The following HSF5 variants were observed in gnomAD, a reference collection of about 807,000 sequenced individuals.
The protein encoded by HSF5 is heat shock transcription factor 5.
A neutral mutation model predicts 50.8 loss-of-function variants in HSF5; 5 were observed. The observed-to-expected ratio is 0.10, with a 90% CI of 0.05 to 0.21. The LOEUF is 0.21. Among genes scored for constraint, HSF5 ranks in the 10% least tolerant of loss-of-function variants. The probability of loss-of-function intolerance (pLI) is 1.00; values close to 1 mark genes in which losing one functional copy is unlikely to be tolerated. For synonymous variants in HSF5, 307 were observed against 307.4 expected (o/e 1.00, Z 0.02); for missense variants, 564 against 762.6 (o/e 0.74, Z 3.07).
intron 5 of HSF5, among the ~76,000 whole-genome samples, chr17:58,422,750 C>T (rs144627837): frequency 7.5e-5 from 11 of 146,374 alleles, no homozygotes; most frequent in Admixed American, 2.1e-4. Context: ...GGCTGGAGTA[C>T]GGCGGCACAA....
intron 1 of HSF5, among the ~76,000 whole-genome samples, chr17:58,485,907 C>T (rs951475038): frequency 7.6e-6 from 1 of 132,360 alleles, no homozygotes; most frequent in Non-Finnish European, 1.6e-5. Flanking sequence ...TCTCTACTAA[C>T]AATACAAAAA....
chr17:58,449,946 C>T (rs1974611467), intron 5 of HSF5, among the ~76,000 whole-genome samples: 1 of 147,002 alleles, frequency 6.8e-6, no homozygotes, highest in Admixed American at 6.8e-5. Context: ...TGGCGTGAAC[C>T]CGGGAGACGG....
intron 5 of HSF5, among the ~76,000 whole-genome samples, chr17:58,445,530 C>A (rs768436898): frequency 6.6e-6 from 1 of 152,174 alleles, no homozygotes; most frequent in African/African-American, 2.4e-5. Flanking sequence ...AACAAAATGT[C>A]ATATGCACGT....
rs748095521 is a variant in HSF5 at position 58,458,800 on chromosome 17, T to G, written c.1688A>C (p.His563Pro). 3 of 1,613,766 alleles carry G rather than the reference T, an allele frequency of 1.9e-6. No homozygotes were observed. Among genetic ancestry groups the G allele is most frequent in the Non-Finnish European group, 2.5e-6 (3 of 1,179,848 alleles). ...CTTTCCTTGTTGTGAGTTGCTTCTG[T>G]GCTCTCTGTATCTGGCTGGAGTGGC... Reference protein sequence around the residue: ...GLATPARYREHRSNSQQGKSP... With the variant: ...GLATPARYREPRSNSQQGKSP... Residue 563 changes from histidine (H) to proline (P), a missense_variant, in exon 5 of 6, where the codon CAC (histidine) becomes CCC (proline). Coordinates refer to ENST00000323777, the MANE Select transcript of HSF5 (RefSeq NM_001080439.3).
rs566794541 is a variant in HSF5, at chr17:58,458,859, C to G, written c.1629G>C (p.Gly543=). The change falls in exon 5 of 6, where the codon GGG becomes GGC. Residue 543 remains glycine, a synonymous_variant. Coordinates refer to ENST00000323777, the MANE Select transcript of HSF5 (RefSeq NM_001080439.3). ...TGTCTTCACTAGGCTTGCTAGCAGG[C>G]CCCATTTCTGAAATGAGGAATCCCA... ...EQMGFLISEM[G]PASKPSEDTG... 26 of 1,614,098 alleles carry G rather than the reference C, an allele frequency of 1.6e-5. No homozygotes were observed. In the African/African-American group the frequency reaches 3.2e-4, roughly 20 times the overall value.
chr17:58,431,029 A>T lies in HSF5; in HGVS notation c.1721-8599T>A, dbSNP rs139879282. ...TAGGAGGTAACTGAATCATGGGGGC[A>T]GGTTTTCCCGTGCTGTTCTGATGAT... On this transcript the variant is annotated intron_variant, in intron 5 of 5. Transcript: ENST00000323777. Among the ~76,000 whole-genome samples, 796 of 152,300 alleles carry T rather than the reference A, an allele frequency of 5.2e-3. 5 individuals are homozygous for T. Among genetic ancestry groups the T allele is most frequent in the South Asian group, 0.013 (62 of 4,820 alleles).
At chr17:58,455,581 A>ATGTAT (rs1400302827) in intron 5 of HSF5, among the ~76,000 whole-genome samples, 10 of 152,200 alleles carry the variant, frequency 6.6e-5, no homozygotes, top group African/African-American at 2.2e-4. Context: ...ACATTTGACA[A>ATGTAT]AAGGTTAATA....
Position 58,488,079 on chromosome 17 carries a change from C to CGGCCCT in HSF5, c.195_196insAGGGCC (p.Ala65_Gly66insArgAla). Reference sequence around the variant, plus strand: ...GTTTTGAAGAGCTCGGGCTCGGCCCCGGCCCCCGCAGTCCCGCCACCGCCC... The same window carrying CGGCCCT: ...GTTTTGAAGAGCTCGGGCTCGGCCCCGGCCCTGGCCCCCGCAGTCCCGCCACCGCCC... On this transcript the variant is annotated inframe_insertion, in exon 1 of 6. Coordinates refer to ENST00000323777, the MANE Select transcript of HSF5 (RefSeq NM_001080439.3). This position sits in a 1 kb window ranked among gnomAD's most constrained non-coding sequence, Gnocchi z 4.1. 1.3e-6 allele frequency: 2 copies of CGGCCCT among 1,581,388 alleles called. No individual in the cohort carries two copies. The highest frequency in any genetic ancestry group is 1.7e-6 in the Non-Finnish European group (2 of 1,169,684).
intron 2 of HSF5, chr17:58,476,951 G>C: frequency 1.5e-6 from 1 of 685,850 alleles, no homozygotes; most frequent in South Asian, 1.7e-5. Flanking sequence ...GGACGCCCAT[G>C]TGGCACGGTT....
intron 5 of HSF5, among the ~76,000 whole-genome samples, chr17:58,433,778 CA>C (rs1246801535): frequency 1.3e-5 from 2 of 152,020 alleles, no homozygotes; most frequent in Non-Finnish European, 2.9e-5. Flanking sequence ...AATGAAGTTT[CA>C]GTTGAGCAGA....
intron 2 of HSF5, among the ~76,000 whole-genome samples, chr17:58,472,132 C>CAG (rs1376086121): frequency 2.6e-5 from 4 of 152,186 alleles, no homozygotes; most frequent in African/African-American, 9.7e-5. Context: ...GCTGGAAGTA[C>CAG]AGACGTGAGC....
chr17:58,474,238 AT>A (rs149123746), intron 2 of HSF5, among the ~76,000 whole-genome samples: 1 of 152,172 alleles, frequency 6.6e-6, no homozygotes, highest in Non-Finnish European at 1.5e-5. Context: ...TTTCTAGGGT[AT>A]TTTTATGGCA....
intron 1 of HSF5, among the ~76,000 whole-genome samples, chr17:58,481,363 G>C (rs946487681): frequency 6.6e-6 from 1 of 152,158 alleles, no homozygotes; most frequent in African/African-American, 2.4e-5. Context: ...GGAATAAAAA[G>C]TGGAGATAAG....
intron 5 of HSF5, among the ~76,000 whole-genome samples, chr17:58,450,079 T>C (rs945131654): frequency 4.4e-4 from 65 of 147,604 alleles, no homozygotes; most frequent in Non-Finnish European, 5.5e-4. Flanking sequence ...CTCACACCTG[T>C]AATCCTAGCA....
At chr17:58,431,546 C>T (rs951662495) in intron 5 of HSF5, among the ~76,000 whole-genome samples, 2 of 152,004 alleles carry the variant, frequency 1.3e-5, no homozygotes, top group Admixed American at 6.6e-5. Flanking sequence ...GTCATTATGC[C>T]GTGCATGACC....
At chr17:58,445,811 T>G (rs1001495487) in intron 5 of HSF5, among the ~76,000 whole-genome samples, 1 of 152,122 alleles carries the variant, frequency 6.6e-6, no homozygotes, top group Non-Finnish European at 1.5e-5. Context: ...TCAAACAATG[T>G]GAATATACTA....
chr17:58,473,191 TATTATAAGG>T (rs1295493608), intron 2 of HSF5, among the ~76,000 whole-genome samples: 1 of 152,134 alleles, frequency 6.6e-6, no homozygotes, highest in Non-Finnish European at 1.5e-5. Flanking sequence ...TTTATAAAAG[TATTATAAGG>T]ATTAAATGAG....
chr17:58,462,400 A>G (rs1974805977), intron 4 of HSF5, among the ~76,000 whole-genome samples: 1 of 152,224 alleles, frequency 6.6e-6, no homozygotes, highest in Admixed American at 6.5e-5. Flanking sequence ...TCATCATAAT[A>G]TCTGTCAAAT....
rs550034771 is a variant in HSF5 at position 58,434,786 on chromosome 17, G to A, written c.1721-12356C>T. Among the ~76,000 whole-genome samples, 216 of 152,292 alleles carry A rather than the reference G, an allele frequency of 1.4e-3. 1 individual carries two copies. The highest frequency in any genetic ancestry group is 0.014 in the Middle Eastern group (4 of 294). Reference sequence around the variant, plus strand: ...GGAGGATTGCTTGAGCCGGGAAGTCGAGGTTGCAGTGAGCTGTATTCACAC... The same window carrying A: ...GGAGGATTGCTTGAGCCGGGAAGTCAAGGTTGCAGTGAGCTGTATTCACAC... On this transcript the variant is annotated intron_variant, in intron 5 of 5. Transcript: ENST00000323777.
Sources: allele counts gnomAD v4.1 joint callset (sites outside exome capture counted in the v4.1 genomes callset), GRCh38; gene constraint gnomAD v4.1.1; non-coding constraint Gnocchi (gnomAD v3.1); transcripts MANE v1.5; gene names NCBI Gene and HGNC (gene_info 2026-07-23, HGNC 2026-07-21).